COX10: variants seen among roughly 807,000 people sequenced by gnomAD.
COX10 encodes cytochrome c oxidase assembly factor heme A:farnesyltransferase COX10.
Under a neutral mutation model 37.3 loss-of-function variants are expected in COX10, and 27 were observed. That is an observed-to-expected ratio of 0.72 (90% CI 0.53 to 1.00). The LOEUF (loss-of-function observed/expected upper bound fraction) is 1.00. Among genes scored for constraint, COX10 ranks in the 50% least tolerant of loss-of-function variants. The pLI is 0.00. For missense variants in COX10, 475 were observed against 563.2 expected (o/e 0.84, Z 1.59); for synonymous variants, 222 against 229.1 (o/e 0.97, Z 0.28).
chr17:14,159,897 C>T lies in COX10; in HGVS notation c.645C>T (p.Asp215=). The part of the protein sequence containing the change: ...SINQFFEVPF[D]SNMNRTKNRP... ...TACAGTTTTTTGAGGTGCCATTTGA[C>T]TCAAACATGAATAGGACAAAGAACA... Residue 215 remains aspartate, a synonymous_variant, in exon 5 of 7, where the codon GAC becomes GAT. Transcript: ENST00000261643. The T allele has an allele frequency of 1.9e-6, 3 of 1,612,202 alleles. No individual in the cohort carries two copies. Among genetic ancestry groups the T allele is most frequent in the South Asian group, 1.1e-5 (1 of 90,806 alleles).
chr17:14,179,441 A>G (rs1002921473), intron 5 of COX10, among the ~76,000 whole-genome samples: 2 of 152,240 alleles, frequency 1.3e-5, no homozygotes, highest in Non-Finnish European at 2.9e-5. Flanking sequence ...TGTAATGTAC[A>G]AGCACTGTCA....
chr17:14,199,331 A>G (rs1906460539), intron 6 of COX10, among the ~76,000 whole-genome samples: 1 of 152,228 alleles, frequency 6.6e-6, no homozygotes, highest in African/African-American at 2.4e-5. Context: ...TCAGTGAATT[A>G]ATATTTAAGT....
At chr17:14,165,319 G>C (rs1428754185) in intron 5 of COX10, among the ~76,000 whole-genome samples, 26 of 152,282 alleles carry the variant, frequency 1.7e-4, no homozygotes, top group African/African-American at 5.8e-4. Context: ...TTTTGCAGCA[G>C]CATATGGTCA....
intron 2 of COX10, among the ~76,000 whole-genome samples, chr17:14,075,081 C>T (rs1915111066): frequency 6.6e-6 from 1 of 152,170 alleles, no homozygotes; most frequent in Admixed American, 6.5e-5. Context: ...GCTGAAAACT[C>T]ATAGTGCCAG....
chr17:14,112,150 C>T (rs945230392), intron 4 of COX10, among the ~76,000 whole-genome samples: 5 of 152,108 alleles, frequency 3.3e-5, no homozygotes, highest in Admixed American at 1.3e-4. Context: ...TTCAGCCATC[C>T]TAAGAACCTA....
intron 6 of COX10, among the ~76,000 whole-genome samples, chr17:14,197,507 G>A (rs1008587570): frequency 1.3e-5 from 2 of 152,214 alleles, no homozygotes; most frequent in Non-Finnish European, 2.9e-5. Context: ...CTAGATGCCC[G>A]GTGAGAGGTG....
chr17:14,156,584 C>T (rs895495007), intron 4 of COX10, among the ~76,000 whole-genome samples: 1 of 152,142 alleles, frequency 6.6e-6, no homozygotes, highest in South Asian at 2.1e-4. Flanking sequence ...CTTAATCAGT[C>T]TGCTGTGTTG....
chr17:14,180,340 T>C (rs2142255433), intron 5 of COX10, among the ~76,000 whole-genome samples: 3 of 152,300 alleles, frequency 2.0e-5, no homozygotes, highest in Middle Eastern at 6.8e-3. Flanking sequence ...CTCAACTTAA[T>C]AATAGTGGTA....
chr17:14,158,292 T>C (rs1239245577), intron 4 of COX10, among the ~76,000 whole-genome samples: 4 of 151,866 alleles, frequency 2.6e-5, no homozygotes, highest in Non-Finnish European at 5.9e-5. Flanking sequence ...AGGAAACATA[T>C]GTCAAAGTTT....
chr17:14,168,167 A>G (rs1380608511), intron 5 of COX10, among the ~76,000 whole-genome samples: 1 of 152,230 alleles, frequency 6.6e-6, no homozygotes, highest in African/African-American at 2.4e-5. Flanking sequence ...GGCCCCATGC[A>G]TGTCCGAAAC....
At chr17:14,198,423 C>T (rs779856015) in intron 6 of COX10, among the ~76,000 whole-genome samples, 2 of 152,162 alleles carry the variant, frequency 1.3e-5, no homozygotes, top group Admixed American at 6.5e-5. Flanking sequence ...TATTTTTCCT[C>T]ATTTTCCTAA....
intron 5 of COX10, among the ~76,000 whole-genome samples, chr17:14,175,320 G>C (rs1281310343): frequency 2.0e-5 from 3 of 151,760 alleles, no homozygotes; most frequent in South Asian, 2.1e-4. Flanking sequence ...TTGGGGAATA[G>C]AATGTTGTAG....
chr17:14,141,703 C>G (rs563338350), intron 4 of COX10, among the ~76,000 whole-genome samples: 3 of 151,940 alleles, frequency 2.0e-5, no homozygotes, highest in African/African-American at 7.2e-5. Context: ...CATTTATTAT[C>G]TAACATTGTT....
In COX10 at chr17:14,144,465, G is replaced by A. The variant is rs181575105; in HGVS notation, c.625-15412G>A. ...TCTTGTATTCATATTAGATTGTGGT[G>A]AAGGAGCACTAGTGGATGAAAAATT... On this transcript the variant is annotated intron_variant, in intron 4 of 6. Coordinates refer to ENST00000261643, the MANE Select transcript of COX10 (RefSeq NM_001303.4). 2.0e-5 allele frequency among the ~76,000 whole-genome samples: 3 copies of A among 152,254 alleles called. No homozygotes were observed. The East Asian group carries it at 5.8e-4, about 29-fold the overall frequency.
chr17:14,121,505 AC>A (rs1290965439), intron 4 of COX10, among the ~76,000 whole-genome samples: 4 of 152,164 alleles, frequency 2.6e-5, no homozygotes, highest in Non-Finnish European at 5.9e-5. Flanking sequence ...ATGGCTAGGG[AC>A]ACAGAGGTGA....
At chr17:14,134,786 T>C (rs1916543505) in intron 4 of COX10, among the ~76,000 whole-genome samples, 2 of 151,660 alleles carry the variant, frequency 1.3e-5, no homozygotes. Context: ...GTTTTTTTTT[T>C]TTTAAGTTAA....
At chr17:14,141,214 C>G (rs1904532862) in intron 4 of COX10, among the ~76,000 whole-genome samples, 1 of 152,060 alleles carries the variant, frequency 6.6e-6, no homozygotes, top group African/African-American at 2.4e-5. Context: ...CCCAGTGTGA[C>G]TTTCCTTATT....
intron 4 of COX10, among the ~76,000 whole-genome samples, chr17:14,115,397 A>T (rs759139891): frequency 1.3e-5 from 2 of 152,150 alleles, no homozygotes; most frequent in African/African-American, 2.4e-5. Flanking sequence ...GTTGGAGAGG[A>T]TGCAGAGAAA....
At chr17:14,172,791 G>A (rs1486182685) in intron 5 of COX10, among the ~76,000 whole-genome samples, 1 of 151,804 alleles carries the variant, frequency 6.6e-6, no homozygotes, top group Non-Finnish European at 1.5e-5. Flanking sequence ...GGGCTCAAGC[G>A]TTTCTCCTGC....
Sources: gnomAD v4.1 joint callset for allele counts (sites outside exome capture counted in the v4.1 genomes callset) on GRCh38, gnomAD v4.1.1 for gene constraint, MANE v1.5 for transcripts, NCBI Gene and HGNC (gene_info 2026-07-23, HGNC 2026-07-21) for gene names.